HK2: variants seen among roughly 807,000 people sequenced by gnomAD.
HK2 encodes hexokinase 2.
Under a neutral mutation model 92.9 loss-of-function variants are expected in HK2, and 42 were observed. The observed-to-expected ratio is 0.45, with a 90% CI of 0.35 to 0.58. HK2 has a LOEUF of 0.58. Among genes scored for constraint, HK2 ranks in the 20% least tolerant of loss-of-function variants. The probability of loss-of-function intolerance (pLI) is 0.00; values close to 1 mark genes in which losing one functional copy is unlikely to be tolerated. For synonymous variants in HK2, 422 were observed against 468.0 expected (o/e 0.90, Z 1.27); for missense variants, 978 against 1,245.1 (o/e 0.79, Z 3.23).
chr2:74,880,203 C>T, intron 9 of HK2, 62 bp from the exon 10 acceptor site: 1 of 1,576,740 alleles, frequency 6.3e-7, no homozygotes, highest in East Asian at 2.2e-5. Flanking sequence ...AACTGTCTAA[C>T]TATTTGCACC....
At chr2:74,836,185 A>G (rs555459976) in intron 1 of HK2, among the ~76,000 whole-genome samples, 3 of 152,294 alleles carry the variant, frequency 2.0e-5, no homozygotes, top group African/African-American at 7.2e-5. Flanking sequence ...GGCAAGTCCT[A>G]AAATACACAG....
Position 74,854,556 on chromosome 2 carries a change from C to T in HK2, c.226+101C>T, listed in dbSNP as rs544720864. Reference sequence around the variant, plus strand: ...ATAACTCAAAAGCCTCAGAAACCAACCCTGGCTAAGGGAAGCATCCAGGGA... The same window carrying T: ...ATAACTCAAAAGCCTCAGAAACCAATCCTGGCTAAGGGAAGCATCCAGGGA... On this transcript the variant is annotated intron_variant, in intron 2 of 17. Coordinates refer to ENST00000290573, the MANE Select transcript of HK2 (RefSeq NM_000189.5). The T allele has an allele frequency of 4.3e-5, 56 of 1,291,236 alleles. No individual in the cohort carries two copies. The African/African-American group carries it at 6.3e-4, about 14-fold the overall frequency. 80.0% of individuals were successfully genotyped at this position (1,291,236 alleles called of 1,614,324 possible). A position where few individuals can be genotyped will look rare whatever the true frequency, so the allele number is the denominator to read the frequency against.
intron 1 of HK2, among the ~76,000 whole-genome samples, chr2:74,847,776 T>C (rs143266935): frequency 2.0e-4 from 31 of 152,328 alleles, no homozygotes; most frequent in African/African-American, 7.5e-4. Context: ...TAGTTCTCTT[T>C]GAGTCAGTCG....
chr2:74,852,949 G>T (rs28362978), intron 1 of HK2, among the ~76,000 whole-genome samples: 1,530 of 152,306 alleles, frequency 0.01, 8 homozygotes, highest in Middle Eastern at 0.02. Context: ...CTTATGATTT[G>T]GACCCTAATA....
At chr2:74,856,401 C>T (rs1688697094) in intron 2 of HK2, among the ~76,000 whole-genome samples, 1 of 152,152 alleles carries the variant, frequency 6.6e-6, no homozygotes. Context: ...CTTCAAAGAG[C>T]CCCTCGAGGT....
chr2:74,873,334 T>C lies in HK2; in HGVS notation c.554T>C (p.Val185Ala), dbSNP rs1689145907. The change falls in exon 5 of 18, where the codon GTT becomes GCT. Residue 185 changes from valine (V) to alanine (A), a missense_variant. By Grantham distance (64) the Val-to-Ala change is moderately conservative (BLOSUM62 0). This residue lies in a region of HK2 where 189 missense variants were observed against 289.5 expected (regional missense o/e 0.65). Coordinates refer to ENST00000290573, the MANE Select transcript of HK2 (RefSeq NM_000189.5). ...TCCAGTGGAGTGGAAGGCAGAGACG[T>C]TGTGGCTCTGATCCGGAAGGCCATC... ...FKSSGVEGRDVVALIRKAIQR... is the reference protein window; with the variant it reads ...FKSSGVEGRDAVALIRKAIQR... 6.2e-7 allele frequency: 1 copy of C among 1,613,778 alleles called. No individual in the cohort carries two copies. Among genetic ancestry groups the C allele is most frequent in the African/African-American group, 1.3e-5 (1 of 74,886 alleles).
chr2:74,873,742 A>G (rs1689155541), intron 5 of HK2, 102 bp from the exon 6 acceptor site: 1 of 667,724 alleles, frequency 1.5e-6, no homozygotes. Context: ...GGGGAGAGAG[A>G]GAGAAGGAGG....
rs556886401 is a variant in HK2, at chr2:74,845,695, C to A, written c.64-8598C>A. Among the ~76,000 whole-genome samples the A allele has an allele frequency of 2.6e-5, 4 of 152,322 alleles. No individual in the cohort carries two copies. In the East Asian group the frequency reaches 7.7e-4, roughly 29 times the overall value. On this transcript the variant is annotated intron_variant, in intron 1 of 17. Transcript: ENST00000290573. The stretch of plus-strand genomic sequence containing the variant: ...GCATTGGCCTGAGGTGGCATGGCTG[C>A]CCTGGCGAGGACAAGTTCCTTGTCC...
At chr2:74,879,094 A>T (rs1689316487) in intron 9 of HK2, among the ~76,000 whole-genome samples, 173 bp downstream of exon 9, 1 of 152,088 alleles carries the variant, frequency 6.6e-6, no homozygotes, top group African/African-American at 2.4e-5. Flanking sequence ...GGAGGAAGTC[A>T]TATCTGGTGT....
At chr2:74,881,920 G>T in intron 11 of HK2, 61 bp downstream of exon 11, 27 of 1,582,024 alleles carry the variant, frequency 1.7e-5, no homozygotes, top group Non-Finnish European at 2.3e-5. Flanking sequence ...TGCCTTCGAG[G>T]ACAGTGCTTT....
intron 3 of HK2, among the ~76,000 whole-genome samples, chr2:74,868,561 C>CT (rs1218779440): frequency 3.9e-5 from 6 of 152,218 alleles, no homozygotes; most frequent in African/African-American, 1.4e-4. Context: ...ATCTAGTACT[C>CT]TTCGTGTTTT....
At chr2:74,869,127 A>G (rs1377747504) in intron 3 of HK2, among the ~76,000 whole-genome samples, 2 of 152,188 alleles carry the variant, frequency 1.3e-5, no homozygotes, top group African/African-American at 4.8e-5. Context: ...GATTAAAAAA[A>G]AAAACAACTA....
intron 17 of HK2, among the ~76,000 whole-genome samples, chr2:74,890,086 G>A (rs914158700): frequency 6.6e-6 from 1 of 152,178 alleles, no homozygotes; most frequent in East Asian, 1.9e-4. Flanking sequence ...ACATTCTAGA[G>A]CAGGGGTTGA....
Position 74,880,329 on chromosome 2 carries a change from C to T in HK2, c.1330C>T (p.Arg444Cys), listed in dbSNP as rs573942688. 34 of 1,614,216 alleles carry T rather than the reference C, an allele frequency of 2.1e-5. No individual in the cohort carries two copies. The highest frequency in any genetic ancestry group is 1.5e-4 in the South Asian group (14 of 91,086). Residue 444 changes from arginine to cysteine, a missense_variant, in exon 10 of 18, where the codon CGC becomes TGC. Arg to Cys is a radical substitution (Grantham distance 180). Around this residue, in one of 3 missense-constraint regions of HK2, gnomAD observed 742 missense variants for 922.5 expected, o/e 0.80. Coordinates refer to ENST00000290573, the MANE Select transcript of HK2 (RefSeq NM_000189.5). ...GCCCGGCTGCGATGTCCGCTTCCTCCGCTCCGAGGATGGCAGTGGCAAAGG... is the reference window on the plus strand; with the variant it reads ...GCCCGGCTGCGATGTCCGCTTCCTCTGCTCCGAGGATGGCAGTGGCAAAGG... ...LVPGCDVRFL[R>C]SEDGSGKGAA... is the part of the protein sequence containing the mutation.
chr2:74,856,547 CT>C (rs765948456), intron 2 of HK2, among the ~76,000 whole-genome samples: 3 of 152,178 alleles, frequency 2.0e-5, no homozygotes, highest in Non-Finnish European at 4.4e-5. Flanking sequence ...AGGCCAGGGC[CT>C]TGTCTTTATT....
Position 74,886,692 on chromosome 2 carries a change from C to T in HK2, c.2219+19C>T. The T allele has an allele frequency of 6.2e-7, 1 of 1,612,924 alleles. No individual in the cohort carries two copies. Reference sequence around the variant, plus strand: ...AGCAGAGGTAGGCACCCAACTGGGGCCCTGTTAAGTGTATCCCAGGACTGG... The same window carrying T: ...AGCAGAGGTAGGCACCCAACTGGGGTCCTGTTAAGTGTATCCCAGGACTGG... On this transcript the variant is annotated intron_variant, in intron 15 of 17. Transcript: ENST00000290573.
At chr2:74,857,378 G>A (rs1170638709) in intron 2 of HK2, among the ~76,000 whole-genome samples, 3 of 152,326 alleles carry the variant, frequency 2.0e-5, no homozygotes, top group Middle Eastern at 3.4e-3. Context: ...GTTCATTTTT[G>A]TGTTGCTGTA....
chr2:74,880,668 C>T, intron 10 of HK2, 99 bp downstream of exon 10: 1 of 1,227,142 alleles, frequency 8.1e-7, no homozygotes, highest in Non-Finnish European at 1.2e-6. Context: ...GACATTTGAA[C>T]CAGAACACGT....
At chr2:74,845,331 A>G (rs1045269218) in intron 1 of HK2, among the ~76,000 whole-genome samples, 1 of 152,124 alleles carries the variant, frequency 6.6e-6, no homozygotes, top group African/African-American at 2.4e-5. Flanking sequence ...CACTCAGTCA[A>G]TATCTGTTGG....
Sources: gnomAD v4.1 joint callset for allele counts (sites outside exome capture counted in the v4.1 genomes callset) on GRCh38, gnomAD v4.1.1 for gene constraint, gnomAD v4.1.1 regional missense constraint, MANE v1.5 for transcripts, NCBI Gene and HGNC (gene_info 2026-07-23, HGNC 2026-07-21) for gene names.